Variants in YIPF1 observed in about 807,000 individuals in gnomAD.
YIPF1 encodes the protein Yip1 domain family member 1.
Under a neutral mutation model 37.0 loss-of-function variants are expected in YIPF1, and 22 were observed. The ratio of observed to expected loss-of-function variants is 0.59; its 90% CI spans 0.42 to 0.85. The LOEUF is 0.85. Among genes scored for constraint, YIPF1 ranks in the 40% least tolerant of loss-of-function variants. The pLI is 0.00. For missense variants in YIPF1, 355 were observed against 373.1 expected, an observed-to-expected ratio of 0.95 and a Z score of 0.40; for synonymous variants, 128 against 131.9, an observed-to-expected ratio of 0.97 and a Z score of 0.21.
intron 7 of YIPF1, among the ~76,000 whole-genome samples, chr1:53,868,237 C>T (rs1433782812): frequency 1.3e-5 from 2 of 152,186 alleles, no homozygotes; most frequent in African/African-American, 4.8e-5. Context: ...ATAGCTGTCA[C>T]TTATTGATCA....
intron 7 of YIPF1, among the ~76,000 whole-genome samples, chr1:53,870,982 C>CAG (rs1242187779): frequency 7.0e-6 from 1 of 142,172 alleles, no homozygotes; most frequent in Non-Finnish European, 1.5e-5. Flanking sequence ...CACTGCACTC[C>CAG]AGCCTGGGTG....
chr1:53,863,724 A>C (rs780187628), intron 9 of YIPF1, among the ~76,000 whole-genome samples: 2 of 152,002 alleles, frequency 1.3e-5, no homozygotes, highest in Non-Finnish European at 2.9e-5. Flanking sequence ...TGCCACAGGT[A>C]CTAGATGAAA....
In YIPF1 at chr1:53,862,512, C is replaced by T. The variant is rs568188469; in HGVS notation, c.832-2359G>A. Among the ~76,000 whole-genome samples, 9 of 152,282 alleles carry T rather than the reference C, an allele frequency of 5.9e-5. No individual in the cohort carries two copies. In the South Asian group the frequency reaches 1.9e-3, roughly 32 times the overall value. On this transcript the variant is annotated intron_variant, in intron 9 of 10. Transcript: ENST00000072644. ...CAAGGGTGCAGCCTCTAGGTGCTTCCTTAGTCATCCCTGCCAGTGTGTTCT... is the reference window on the plus strand; with the variant it reads ...CAAGGGTGCAGCCTCTAGGTGCTTCTTTAGTCATCCCTGCCAGTGTGTTCT...
chr1:53,880,531 G>A (rs1279534080), intron 4 of YIPF1, among the ~76,000 whole-genome samples: 1 of 152,134 alleles, frequency 6.6e-6, no homozygotes, highest in East Asian at 1.9e-4. Flanking sequence ...AACTACCATT[G>A]ACATTCTTCA....
chr1:53,877,835 G>A lies in YIPF1; in HGVS notation c.364+480C>T, dbSNP rs6696258. Among the ~76,000 whole-genome samples the A allele has an allele frequency of 8.5e-3, 1,296 of 152,252 alleles. 25 individuals are homozygous for A. The highest frequency in any genetic ancestry group is 0.03 in the African/African-American group (1,227 of 41,552). Reference sequence around the variant, plus strand: ...TCATTCTTTTTATTTTTATTTTTTAGTAGAGATAGGGTCTCCTTATGTTGC... The same window carrying A: ...TCATTCTTTTTATTTTTATTTTTTAATAGAGATAGGGTCTCCTTATGTTGC... On this transcript the variant is annotated intron_variant, in intron 6 of 10. Transcript: ENST00000072644.
chr1:53,861,815 A>T (rs1225430098), intron 9 of YIPF1, among the ~76,000 whole-genome samples: 3 of 152,122 alleles, frequency 2.0e-5, no homozygotes, highest in Non-Finnish European at 2.9e-5. Context: ...GGAGTTCAAG[A>T]CCAGCCCGGC....
At position 53,888,951 on chromosome 1, in the gene YIPF1, C is replaced by T; in HGVS notation, c.-14G>A. 6.3e-7 allele frequency: 1 copy of T among 1,596,514 alleles called. No homozygotes were observed. The highest frequency in any genetic ancestry group is 8.6e-7 in the Non-Finnish European group (1 of 1,165,670). ...TACTGCTGCCATTCGGCCAGTGAGT[C>T]TTCTCCCAATTATGAGGAAGAAAAT... On this transcript the variant is annotated 5_prime_UTR_variant, in exon 3 of 11. Transcript: ENST00000072644.
At position 53,873,518 on chromosome 1, in the gene YIPF1, C is replaced by CCCTGTTGAGTT. The variant is rs1403805409; in HGVS notation, c.365-2031_365-2030insAACTCAACAGG. On this transcript the variant is annotated intron_variant, in intron 6 of 10. Coordinates refer to ENST00000072644, the MANE Select transcript of YIPF1 (RefSeq NM_018982.5). Reference sequence around the variant, plus strand: ...AGTTAGGAATTTATCTTGAGGGCAACAGGAAGCCTGTGAATTGGGCCTGGT... The same window carrying CCCTGTTGAGTT: ...AGTTAGGAATTTATCTTGAGGGCAACCCTGTTGAGTTAGGAAGCCTGTGAATTGGGCCTGGT... 2.0e-4 allele frequency among the ~76,000 whole-genome samples: 30 copies of CCCTGTTGAGTT among 152,240 alleles called. No individual in the cohort carries two copies. The East Asian group carries it at 5.6e-3, about 28-fold the overall frequency.
chr1:53,889,777 T>G lies in YIPF1; in HGVS notation c.-334A>C, dbSNP rs1178707416. The G allele has an allele frequency of 6.6e-6, 1 of 152,308 alleles. No homozygotes were observed. The highest frequency in any genetic ancestry group is 1.5e-5 in the Non-Finnish European group (1 of 68,104). The allele number at this position is 152,308 out of a possible 1,614,324, so 9.4% of individuals were successfully genotyped here. A position where few individuals can be genotyped will look rare whatever the true frequency, so the allele number is the denominator to read the frequency against. ...GGGCCTCAGTTGCTCCGCGCCGGTT[T>G]CGGTCCAGCCCAGTTGCCGGAAGCC... is the stretch of plus-strand genomic sequence containing the variant. On this transcript the variant is annotated 5_prime_UTR_variant, in exon 1 of 11. Transcript: ENST00000072644.
chr1:53,883,218 A>T lies in YIPF1; in HGVS notation c.90T>A (p.Ile30=). Residue 30 remains isoleucine, a synonymous_variant, in exon 4 of 11, where the codon ATT becomes ATA. Coordinates refer to ENST00000072644, the MANE Select transcript of YIPF1 (RefSeq NM_018982.5). ...GTTTTGGGGTTTCACCAGGATCCTC[A>T]ATGTTTACTGTGGTGGCATCTGGGT... ...TANPDATTVN[I]EDPGETPKHQ... The T allele has an allele frequency of 3.8e-6, 6 of 1,596,510 alleles. No homozygotes were observed. The highest frequency in any genetic ancestry group is 5.1e-6 in the Non-Finnish European group (6 of 1,172,756).
intron 4 of YIPF1, among the ~76,000 whole-genome samples, chr1:53,879,715 T>C (rs980069477): frequency 5.9e-5 from 9 of 152,186 alleles, no homozygotes; most frequent in African/African-American, 1.9e-4. Flanking sequence ...AGGCAGATAT[T>C]TTTTGTTCAT....
At chr1:53,862,638 C>T (rs562886827) in intron 9 of YIPF1, among the ~76,000 whole-genome samples, 3 of 152,264 alleles carry the variant, frequency 2.0e-5, no homozygotes, top group African/African-American at 7.2e-5. Context: ...AACACCAATC[C>T]GTGTTCCCCA....
At chr1:53,862,292 A>G (rs547423917) in intron 9 of YIPF1, among the ~76,000 whole-genome samples, 1 of 152,306 alleles carries the variant, frequency 6.6e-6, no homozygotes, top group East Asian at 1.9e-4. Flanking sequence ...GTCCATCTCC[A>G]TAGTCTGTGC....
chr1:53,867,118 T>G (rs530866896), intron 7 of YIPF1, among the ~76,000 whole-genome samples, 194 bp from the exon 8 acceptor site: 3 of 152,330 alleles, frequency 2.0e-5, no homozygotes, highest in Non-Finnish European at 1.5e-5. Context: ...TAGAAATGTT[T>G]GTTGAATTAA....
intron 10 of YIPF1, among the ~76,000 whole-genome samples, chr1:53,856,687 GC>G (rs1365033967): frequency 1.3e-5 from 2 of 152,124 alleles, no homozygotes; most frequent in African/African-American, 2.4e-5. Flanking sequence ...TCCCTTCTTG[GC>G]CCCATAATGC....
intron 6 of YIPF1, among the ~76,000 whole-genome samples, chr1:53,872,308 G>GT (rs1650214426): frequency 6.6e-6 from 1 of 152,060 alleles, no homozygotes; most frequent in South Asian, 2.1e-4. Context: ...GCAAATGCAT[G>GT]TGTATATGTG....
chr1:53,887,928 TAATA>T (rs2100746865), intron 3 of YIPF1, among the ~76,000 whole-genome samples: 1 of 152,258 alleles, frequency 6.6e-6, no homozygotes, highest in Non-Finnish European at 1.5e-5. Context: ...GGTAAGGTGT[TAATA>T]AAACAAGTAA....
At chr1:53,858,121 A>AGCTT (rs1649771403) in intron 10 of YIPF1, among the ~76,000 whole-genome samples, 1 of 152,174 alleles carries the variant, frequency 6.6e-6, no homozygotes, top group East Asian at 1.9e-4. Context: ...TGAGGAGGGA[A>AGCTT]GCCCATGCTA....
At chr1:53,885,592 G>A (rs1375844343) in intron 3 of YIPF1, among the ~76,000 whole-genome samples, 9 of 151,968 alleles carry the variant, frequency 5.9e-5, no homozygotes, top group African/African-American at 2.2e-4. Flanking sequence ...AGGCTGAGGC[G>A]AGCAGATCAC....
Sources: gnomAD v4.1 joint callset for allele counts (sites outside exome capture counted in the v4.1 genomes callset) on GRCh38, gnomAD v4.1.1 for gene constraint, MANE v1.5 for transcripts, NCBI Gene and HGNC (gene_info 2026-07-23, HGNC 2026-07-21) for gene names.